The following FSTL5 variants were observed in gnomAD, a reference collection of about 807,000 sequenced individuals.
The protein encoded by FSTL5 is follistatin like 5, also known as follistatin-related protein 5.
In FSTL5, 62 loss-of-function variants were observed where a neutral mutation model predicts 89.1. That is an observed-to-expected ratio of 0.70 (90% confidence interval 0.57 to 0.86). The LOEUF (loss-of-function observed/expected upper bound fraction) is 0.86, where lower values mean the gene tolerates loss of function less well. FSTL5 is among the 40% of genes least tolerant of loss of function. The probability of loss-of-function intolerance (pLI) is 0.00; values close to 1 mark genes in which losing one functional copy is unlikely to be tolerated. For synonymous variants in FSTL5, 383 were observed against 346.2 expected, an observed-to-expected ratio of 1.11 and a Z score of -1.18; for missense variants, 1,057 against 1,001.6, an observed-to-expected ratio of 1.06 and a Z score of -0.75.
chr4:162,090,263 TG>T (rs753529357), intron 2 of FSTL5, among the ~76,000 whole-genome samples: 5 of 152,084 alleles, frequency 3.3e-5, no homozygotes, highest in Non-Finnish European at 7.4e-5. Context: ...AAAATGGGGT[TG>T]TTTTTCTGCA....
At chr4:162,018,489 G>A (rs1055901668) in intron 3 of FSTL5, among the ~76,000 whole-genome samples, 2 of 151,980 alleles carry the variant, frequency 1.3e-5, no homozygotes, top group African/African-American at 2.4e-5. Context: ...GCAGCATATT[G>A]TGTAAGAGTA....
intron 7 of FSTL5, among the ~76,000 whole-genome samples, chr4:161,607,963 A>G (rs1392675438): frequency 6.6e-6 from 1 of 152,146 alleles, no homozygotes; most frequent in Admixed American, 6.5e-5. Context: ...CTTTATAACA[A>G]TTTAAATGCA....
At chr4:161,879,713 C>A (rs1732564071) in intron 4 of FSTL5, among the ~76,000 whole-genome samples, 1 of 152,092 alleles carries the variant, frequency 6.6e-6, no homozygotes, top group Admixed American at 6.6e-5. Context: ...GACTAGCATC[C>A]CTCACTTCAT....
chr4:161,646,240 A>AT (rs1008277768), intron 7 of FSTL5, among the ~76,000 whole-genome samples: 15 of 148,168 alleles, frequency 1.0e-4, no homozygotes, highest in Non-Finnish European at 1.6e-4. Context: ...TCTCATATAT[A>AT]TTTTTTCTAG....
chr4:161,801,262 A>C (rs766851409), intron 4 of FSTL5, among the ~76,000 whole-genome samples: 28 of 151,530 alleles, frequency 1.8e-4, no homozygotes, highest in Non-Finnish European at 3.6e-4. Flanking sequence ...TATGAACTAT[A>C]TTATTTCTTC....
intron 2 of FSTL5, among the ~76,000 whole-genome samples, chr4:162,064,995 C>T (rs1016999889): frequency 2.0e-5 from 3 of 151,718 alleles, no homozygotes; most frequent in Non-Finnish European, 4.4e-5. Flanking sequence ...CATGAATACA[C>T]GATTGGGAAA....
chr4:162,161,829 A>G (rs1277331933), intron 1 of FSTL5, among the ~76,000 whole-genome samples: 1 of 152,062 alleles, frequency 6.6e-6, no homozygotes, highest in Non-Finnish European at 1.5e-5. Context: ...GAAATTTCAC[A>G]GCCTAAATAT....
chr4:162,010,510 T>C (rs947076079), intron 3 of FSTL5, among the ~76,000 whole-genome samples: 27 of 152,190 alleles, frequency 1.8e-4, no homozygotes, highest in Admixed American at 6.5e-5. Flanking sequence ...TTCACAGGAT[T>C]GCACAACCAT....
At chr4:161,938,220 G>A (rs939686454) in intron 3 of FSTL5, among the ~76,000 whole-genome samples, 2 of 152,040 alleles carry the variant, frequency 1.3e-5, no homozygotes, top group African/African-American at 4.8e-5. Flanking sequence ...CAATAAATCT[G>A]TGTTCCAAGA....
chr4:162,102,323 A>G (rs1172464807), intron 2 of FSTL5, among the ~76,000 whole-genome samples: 1 of 151,840 alleles, frequency 6.6e-6, no homozygotes, highest in Non-Finnish European at 1.5e-5. Context: ...TTTTTCAACT[A>G]TTGAAACAAT....
chr4:162,155,137 T>C (rs1733417712), intron 1 of FSTL5, among the ~76,000 whole-genome samples: 1 of 152,166 alleles, frequency 6.6e-6, no homozygotes, highest in Non-Finnish European at 1.5e-5. Flanking sequence ...AAAGGTAATG[T>C]GCTATTGCTC....
At chr4:161,776,495 T>C (rs1457259663) in intron 4 of FSTL5, among the ~76,000 whole-genome samples, 1 of 143,380 alleles carries the variant, frequency 7.0e-6, no homozygotes, top group Non-Finnish European at 1.5e-5. Context: ...AAGGATTAGA[T>C]TGTGCTGGAT....
At chr4:161,898,504 ATTATTATTATT>A (rs1733243217) in intron 4 of FSTL5, among the ~76,000 whole-genome samples, 1 of 151,614 alleles carries the variant, frequency 6.6e-6, no homozygotes, top group Admixed American at 6.6e-5. Flanking sequence ...TTGTCCATTT[ATTATTATTATT>A]TTAGCCTTTC....
At chr4:162,138,952 A>C (rs1201252646) in intron 1 of FSTL5, among the ~76,000 whole-genome samples, 3 of 152,150 alleles carry the variant, frequency 2.0e-5, no homozygotes, top group African/African-American at 7.2e-5. Flanking sequence ...AATAATACTT[A>C]AATAAATGGA....
chr4:161,996,765 T>C (rs562803918), intron 3 of FSTL5, among the ~76,000 whole-genome samples: 2 of 152,232 alleles, frequency 1.3e-5, no homozygotes, highest in Non-Finnish European at 2.9e-5. Context: ...CAGTTATTGC[T>C]CTATGTAGCT....
chr4:161,454,921 T>C, intron 15 of FSTL5, 83 bp downstream of exon 15: 1 of 1,311,232 alleles, frequency 7.6e-7, no homozygotes, highest in Non-Finnish European at 1.1e-6. Context: ...GTTTCATATC[T>C]AAGTTTCTTT....
At chr4:161,477,877 CCT>C (rs751235640) in intron 13 of FSTL5, among the ~76,000 whole-genome samples, 10 of 151,848 alleles carry the variant, frequency 6.6e-5, no homozygotes, top group Non-Finnish European at 1.2e-4. Flanking sequence ...ATACATTTTG[CCT>C]CTCTCTAATT....
chr4:161,535,706 T>A (rs985620541), intron 10 of FSTL5, among the ~76,000 whole-genome samples: 1 of 152,100 alleles, frequency 6.6e-6, no homozygotes, highest in African/African-American at 2.4e-5. Flanking sequence ...AAACAGACGT[T>A]ACTATTTGAC....
intron 9 of FSTL5, among the ~76,000 whole-genome samples, chr4:161,540,779 G>T (rs1251256355): frequency 6.6e-6 from 1 of 151,952 alleles, no homozygotes; most frequent in Non-Finnish European, 1.5e-5. Flanking sequence ...ACTGAAAACT[G>T]ATTGTTACTG....
Sources: allele counts gnomAD v4.1 joint callset (sites outside exome capture counted in the v4.1 genomes callset), GRCh38; gene constraint gnomAD v4.1.1; transcripts MANE v1.5; gene names NCBI Gene and HGNC (gene_info 2026-07-23, HGNC 2026-07-21).